Variants in KIRREL3 observed in about 807,000 individuals in gnomAD.
KIRREL3 encodes kirre like nephrin family adhesion molecule 3.
Under a neutral mutation model 89.7 loss-of-function variants are expected in KIRREL3, and 36 were observed. That is an observed-to-expected ratio of 0.40 (90% CI 0.31 to 0.53). KIRREL3 has a LOEUF of 0.53. Among genes scored for constraint, KIRREL3 ranks in the 20% least tolerant of loss-of-function variants. The probability of loss-of-function intolerance (pLI) is 0.49; values close to 1 mark genes in which losing one functional copy is unlikely to be tolerated. For synonymous variants in KIRREL3, 445 were observed against 441.4 expected (o/e 1.01, Z -0.10); for missense variants, 864 against 1,056.6 (o/e 0.82, Z 2.53).
At position 126,611,784 on chromosome 11, in the gene KIRREL3, C is replaced by T. The variant is rs545011245; in HGVS notation, c.56-48872G>A. On this transcript the variant is annotated intron_variant, in intron 1 of 16. Coordinates refer to ENST00000525144, the MANE Select transcript of KIRREL3 (RefSeq NM_032531.4). The surrounding 1 kb of genome is among the most constrained non-coding windows in gnomAD (Gnocchi z 4.7). ...GGATGCTGCCTCTGTGATCCACAGC[C>T]CCGCCAGGCTGATGCTTCAGGAATG... 2.3e-4 allele frequency among the ~76,000 whole-genome samples: 35 copies of T among 152,312 alleles called. No individual in the cohort carries two copies. The highest frequency in any genetic ancestry group is 8.3e-4 in the South Asian group (4 of 4,826).
intron 1 of KIRREL3, among the ~76,000 whole-genome samples, chr11:126,865,300 TAAG>T (rs1419868475): frequency 6.6e-6 from 1 of 152,258 alleles, no homozygotes; most frequent in Non-Finnish European, 1.5e-5. Context: ...CCCTGCAGAC[TAAG>T]AAGGCTCTCA....
intron 1 of KIRREL3, among the ~76,000 whole-genome samples, chr11:126,833,792 T>C (rs1391720585): frequency 6.6e-6 from 1 of 152,188 alleles, no homozygotes; most frequent in Non-Finnish European, 1.5e-5. Context: ...GTCACATTTC[T>C]CTTTGCTCAT....
intron 1 of KIRREL3, among the ~76,000 whole-genome samples, chr11:126,581,047 T>C (rs1420948077): frequency 1.3e-5 from 2 of 152,080 alleles, no homozygotes; most frequent in African/African-American, 4.8e-5. Context: ...ATGCCTGCAA[T>C]GCCAGTTTAA....
chr11:126,733,861 C>T (rs1948714521), intron 1 of KIRREL3, among the ~76,000 whole-genome samples: 1 of 152,200 alleles, frequency 6.6e-6, no homozygotes, highest in African/African-American at 2.4e-5. Context: ...CCTATGGATT[C>T]TCTTCCCCCA....
In KIRREL3 at chr11:126,628,691, C is replaced by A. The variant is rs1382272553; in HGVS notation, c.56-65779G>T. On this transcript the variant is annotated intron_variant, in intron 1 of 16. Coordinates refer to ENST00000525144, the MANE Select transcript of KIRREL3 (RefSeq NM_032531.4). The surrounding 1 kb of genome is among the most constrained non-coding windows in gnomAD (Gnocchi z 5.2). Reference sequence around the variant, plus strand: ...AAACTGACTGTCATTCTCTCTGCCTCTCCTGAAAGACTAATACTAAGCACT... The same window carrying A: ...AAACTGACTGTCATTCTCTCTGCCTATCCTGAAAGACTAATACTAAGCACT... Among the ~76,000 whole-genome samples the A allele has an allele frequency of 1.3e-5, 2 of 152,220 alleles. No homozygotes were observed. Among genetic ancestry groups the A allele is most frequent in the African/African-American group, 4.8e-5 (2 of 41,454 alleles).
At chr11:126,542,474 A>T (rs1277410875) in intron 2 of KIRREL3, among the ~76,000 whole-genome samples, 1 of 152,218 alleles carries the variant, frequency 6.6e-6, no homozygotes, top group Non-Finnish European at 1.5e-5. Flanking sequence ...TTTGATATTC[A>T]CATTTGAATA....
rs1363079518 is a variant in KIRREL3, at chr11:126,435,363, A to T, written c.1553-60T>A. 3.8e-6 allele frequency: 6 copies of T among 1,571,354 alleles called. No homozygotes were observed. The Admixed American group carries it at 8.4e-5, about 22-fold the overall frequency. ...GCCTGGCTGGCCAGGGTGGGGTGGGACTGGGAATTAGCTGCTTGAGCGGGG... is the reference window on the plus strand; with the variant it reads ...GCCTGGCTGGCCAGGGTGGGGTGGGTCTGGGAATTAGCTGCTTGAGCGGGG... On this transcript the variant is annotated intron_variant, in intron 12 of 16. Coordinates refer to ENST00000525144, the MANE Select transcript of KIRREL3 (RefSeq NM_032531.4).
At chr11:126,577,418 G>C (rs1400130704) in intron 1 of KIRREL3, among the ~76,000 whole-genome samples, 1 of 151,916 alleles carries the variant, frequency 6.6e-6, no homozygotes, top group Non-Finnish European at 1.5e-5. Context: ...AACTCAGAGT[G>C]GGGAGGGGGT....
rs1192247297 is a variant in KIRREL3 at position 126,811,852 on chromosome 11, G to A, written c.55+188603C>T. Among the ~76,000 whole-genome samples, 1 of 152,156 alleles carries A rather than the reference G, an allele frequency of 6.6e-6. No individual in the cohort carries two copies. Among genetic ancestry groups the A allele is most frequent in the Non-Finnish European group, 1.5e-5 (1 of 68,028 alleles). Reference sequence around the variant, plus strand: ...TCCACCCGCCTTGGCCTCATAAAGTGCTGGGATTACAGGTGTGAGCCACTG... The same window carrying A: ...TCCACCCGCCTTGGCCTCATAAAGTACTGGGATTACAGGTGTGAGCCACTG... On this transcript the variant is annotated intron_variant, in intron 1 of 16. Coordinates refer to ENST00000525144, the MANE Select transcript of KIRREL3 (RefSeq NM_032531.4). The surrounding 1 kb of genome is among the most constrained non-coding windows in gnomAD (Gnocchi z 4.3).
chr11:126,600,522 C>T (rs1044534462), intron 1 of KIRREL3, among the ~76,000 whole-genome samples: 3 of 152,166 alleles, frequency 2.0e-5, no homozygotes, highest in African/African-American at 4.8e-5. Context: ...GGTCCTTAAA[C>T]CTTTCATACC....
chr11:126,692,835 A>G (rs1374511988), intron 1 of KIRREL3, among the ~76,000 whole-genome samples: 1 of 152,242 alleles, frequency 6.6e-6, no homozygotes, highest in Non-Finnish European at 1.5e-5. Context: ...TACTAGGGAC[A>G]GGTGACCCCT....
At chr11:126,699,538 A>G (rs1565659876) in intron 1 of KIRREL3, among the ~76,000 whole-genome samples, 1 of 152,172 alleles carries the variant, frequency 6.6e-6, no homozygotes, top group East Asian at 1.9e-4. Context: ...TATTTTAGTA[A>G]TATTTCAAAT....
At position 126,890,603 on chromosome 11, in the gene KIRREL3, G is replaced by A. The variant is rs185039911; in HGVS notation, c.55+109852C>T. On this transcript the variant is annotated intron_variant, in intron 1 of 16. Transcript: ENST00000525144. This position sits in a 1 kb window ranked among gnomAD's most constrained non-coding sequence, Gnocchi z 5.1. Reference sequence around the variant, plus strand: ...CCTGGAGGGGTGCTGTGGGAGTCCCGTGGCTGCACATCCTGGCAAAAGGAG... The same window carrying A: ...CCTGGAGGGGTGCTGTGGGAGTCCCATGGCTGCACATCCTGGCAAAAGGAG... 3.3e-5 allele frequency among the ~76,000 whole-genome samples: 5 copies of A among 152,346 alleles called. No individual in the cohort carries two copies. The highest frequency in any genetic ancestry group is 3.9e-4 in the East Asian group (2 of 5,190).
At chr11:126,733,793 A>G (rs560548466) in intron 1 of KIRREL3, among the ~76,000 whole-genome samples, 16 of 152,064 alleles carry the variant, frequency 1.1e-4, no homozygotes, top group Non-Finnish European at 2.2e-4. Flanking sequence ...CTGCTTTTTT[A>G]GAAAAAAATT....
intron 4 of KIRREL3, among the ~76,000 whole-genome samples, chr11:126,478,632 C>CGTGTGTATGTGT (rs1367525599): frequency 6.8e-6 from 1 of 147,490 alleles, no homozygotes; most frequent in Admixed American, 6.7e-5. Context: ...TGTGTGTATG[C>CGTGTGTATGTGT]GTGTGTATGT....
At chr11:126,992,920 A>T (rs760337191) in intron 1 of KIRREL3, among the ~76,000 whole-genome samples, 15 of 151,976 alleles carry the variant, frequency 9.9e-5, no homozygotes, top group Non-Finnish European at 1.9e-4. Context: ...TCTCTTCCAC[A>T]TTCTTTAGCT....
rs1958947251 is a variant in KIRREL3 at position 126,531,611 on chromosome 11, A to C, written c.134-4924T>G. Among the ~76,000 whole-genome samples the C allele has an allele frequency of 6.7e-6, 1 of 149,644 alleles. No homozygotes were observed. Among genetic ancestry groups the C allele is most frequent in the African/African-American group, 2.5e-5 (1 of 40,658 alleles). ...CCTAAGCAACCCCACCTATCATTGAAGGCCCAGTTCTCTCCCCAGGCAGCT... is the reference window on the plus strand; with the variant it reads ...CCTAAGCAACCCCACCTATCATTGACGGCCCAGTTCTCTCCCCAGGCAGCT... On this transcript the variant is annotated intron_variant, in intron 2 of 16. Transcript: ENST00000525144. The surrounding 1 kb of genome is among the most constrained non-coding windows in gnomAD (Gnocchi z 4.7).
chr11:126,447,960 C>T (rs1038010966), intron 8 of KIRREL3, among the ~76,000 whole-genome samples: 2 of 152,178 alleles, frequency 1.3e-5, no homozygotes, highest in African/African-American at 4.8e-5. Context: ...CAGTGCGCTG[C>T]CTTGCTGCGG....
chr11:126,585,178 CA>C (rs1438731369), intron 1 of KIRREL3, among the ~76,000 whole-genome samples: 3 of 150,186 alleles, frequency 2.0e-5, no homozygotes, highest in Admixed American at 1.3e-4. Context: ...CTTGGCCTTC[CA>C]AAGTGCTGGG....
Sources: gnomAD v4.1 joint callset for allele counts (sites outside exome capture counted in the v4.1 genomes callset) on GRCh38, gnomAD v4.1.1 for gene constraint, Gnocchi (gnomAD v3.1) non-coding constraint, MANE v1.5 for transcripts, NCBI Gene and HGNC (gene_info 2026-07-23, HGNC 2026-07-21) for gene names.